Variants in ARHGAP8 observed in about 807,000 individuals in gnomAD.
ARHGAP8 encodes the protein rho GTPase-activating protein 8.
In ARHGAP8, 62 loss-of-function variants were observed where a neutral mutation model predicts 46.1. The ratio of observed to expected loss-of-function variants is 1.34; its 90% confidence interval spans 1.10 to 1.66. The LOEUF is 1.66. Among genes scored for constraint, ARHGAP8 ranks in the 40% most tolerant of loss-of-function variants. The probability of loss-of-function intolerance (pLI) is 0.00; values close to 1 mark genes in which losing one functional copy is unlikely to be tolerated. For synonymous variants in ARHGAP8, 375 were observed against 243.1 expected (o/e 1.54, Z -5.05); for missense variants, 923 against 568.4 (o/e 1.62, Z -6.34).
intron 1 of ARHGAP8, among the ~76,000 whole-genome samples, chr22:44,785,800 C>T (rs1927175879): frequency 6.6e-6 from 1 of 152,194 alleles, no homozygotes; most frequent in African/African-American, 2.4e-5. Flanking sequence ...GCAGCCTTTT[C>T]TTTCTTCCTC....
chr22:44,824,310 G>A (rs1440117425), intron 6 of ARHGAP8, among the ~76,000 whole-genome samples: 3 of 152,354 alleles, frequency 2.0e-5, no homozygotes, highest in East Asian at 1.9e-4. Context: ...TTGGGGCGCA[G>A]AGCGCTGTGA....
intron 2 of ARHGAP8, among the ~76,000 whole-genome samples, chr22:44,789,611 A>T (rs563081491): frequency 6.6e-6 from 1 of 150,926 alleles, no homozygotes; most frequent in Non-Finnish European, 1.5e-5. Context: ...CAGTCCTCCC[A>T]CCTCAGCTTC....
chr22:44,762,759 G>A (rs1479039388), intron 1 of ARHGAP8, among the ~76,000 whole-genome samples: 1 of 151,960 alleles, frequency 6.6e-6, no homozygotes, highest in African/African-American at 2.4e-5. Context: ...GGCCAGGTTG[G>A]TCTCGAACTC....
chr22:44,858,868 C>T (rs527855514), intron 10 of ARHGAP8, among the ~76,000 whole-genome samples: 31 of 151,532 alleles, frequency 2.0e-4, no homozygotes, highest in African/African-American at 7.3e-4. Context: ...AGCAGGGTTG[C>T]AAACTTTTTC....
chr22:44,786,113 A>T, intron 1 of ARHGAP8: 1 of 406,628 alleles, frequency 2.5e-6, no homozygotes, highest in Non-Finnish European at 4.5e-6. Context: ...TAGAGTACAC[A>T]GTGGGTGCAT....
intron 1 of ARHGAP8, among the ~76,000 whole-genome samples, chr22:44,761,210 C>T (rs1045093022): frequency 1.3e-5 from 2 of 152,184 alleles, no homozygotes; most frequent in Non-Finnish European, 2.9e-5. Context: ...GAAATAAGTG[C>T]CATCAGCCCT....
At position 44,848,927 on chromosome 22, in the gene ARHGAP8, T is replaced by C. The variant is rs370742491; in HGVS notation, c.749-5T>C. On this transcript the variant is annotated splice_polypyrimidine_tract_variant and splice_region_variant and intron_variant, in intron 9 of 11. Coordinates refer to ENST00000356099, the MANE Select transcript of ARHGAP8 (RefSeq NM_181335.3). ...GACCTCAGCAGTGCTGTGTTGTGTGTGCAGGGAAGCCCGTGAACTTTGACG... is the reference window on the plus strand; with the variant it reads ...GACCTCAGCAGTGCTGTGTTGTGTGCGCAGGGAAGCCCGTGAACTTTGACG... The C allele has an allele frequency of 8.8e-5, 142 of 1,613,948 alleles. No individual in the cohort carries two copies. Among genetic ancestry groups the C allele is most frequent in the Non-Finnish European group, 1.2e-4 (138 of 1,180,002 alleles).
intron 7 of ARHGAP8, among the ~76,000 whole-genome samples, chr22:44,835,905 C>T (rs1467929450): frequency 2.0e-5 from 3 of 148,588 alleles, no homozygotes; most frequent in Admixed American, 1.4e-4. Context: ...CTTCGGTCTC[C>T]TGTACCATGT....
At chr22:44,775,113 C>G (rs534033125) in intron 1 of ARHGAP8, among the ~76,000 whole-genome samples, 4 of 151,994 alleles carry the variant, frequency 2.6e-5, no homozygotes, top group Non-Finnish European at 5.9e-5. Flanking sequence ...ATTATAGGCA[C>G]GAGCCACGGT....
At chr22:44,786,227 A>G (rs1234890129) in intron 1 of ARHGAP8, 13 of 612,386 alleles carry the variant, frequency 2.1e-5, no homozygotes, top group Non-Finnish European at 3.4e-5. Flanking sequence ...TGTAGAGTGT[A>G]TAATGGGTGC....
At chr22:44,835,343 G>C (rs541576770) in intron 7 of ARHGAP8, among the ~76,000 whole-genome samples, 76 of 152,242 alleles carry the variant, frequency 5.0e-4, no homozygotes, top group African/African-American at 1.7e-3. Context: ...TGTGGAGCCA[G>C]GCGTGGTGGC....
chr22:44,807,360 T>C (rs1475964766), intron 3 of ARHGAP8, among the ~76,000 whole-genome samples: 1 of 152,100 alleles, frequency 6.6e-6, no homozygotes, highest in Non-Finnish European at 1.5e-5. Flanking sequence ...CAGGGCAGGA[T>C]GGAACGTGGT....
At chr22:44,757,567 A>T (rs1052090173) in intron 1 of ARHGAP8, among the ~76,000 whole-genome samples, 4 of 152,042 alleles carry the variant, frequency 2.6e-5, no homozygotes, top group South Asian at 4.1e-4. Context: ...GTGAGCCACC[A>T]TGCCTGGCCC....
intron 10 of ARHGAP8, among the ~76,000 whole-genome samples, chr22:44,852,552 C>G (rs1427837656): frequency 1.3e-5 from 2 of 152,108 alleles, no homozygotes; most frequent in Non-Finnish European, 2.9e-5. Flanking sequence ...TGGAACTTTC[C>G]CCAGGAAGTT....
chr22:44,832,946 G>C (rs1931045168), intron 7 of ARHGAP8, among the ~76,000 whole-genome samples: 1 of 151,260 alleles, frequency 6.6e-6, no homozygotes, highest in Non-Finnish European at 1.5e-5. Flanking sequence ...GGACAACATA[G>C]CAAGACCCTG....
chr22:44,844,322 C>T (rs533452045), intron 7 of ARHGAP8, among the ~76,000 whole-genome samples: 15 of 152,088 alleles, frequency 9.9e-5, no homozygotes, highest in African/African-American at 3.1e-4. Context: ...AATAATTAGC[C>T]AGCAAAATAA....
At chr22:44,771,206 G>C (rs1366475241) in intron 1 of ARHGAP8, among the ~76,000 whole-genome samples, 3 of 149,344 alleles carry the variant, frequency 2.0e-5, no homozygotes, top group Non-Finnish European at 4.4e-5. Context: ...GATTCCTTAG[G>C]ATTTTTACTT....
intron 4 of ARHGAP8, among the ~76,000 whole-genome samples, 191 bp from the exon 5 acceptor site, chr22:44,814,481 G>A (rs1297422851): frequency 6.6e-6 from 1 of 152,188 alleles, no homozygotes; most frequent in Non-Finnish European, 1.5e-5. Flanking sequence ...CATGCCTGGC[G>A]GGGGCAGCAG....
At chr22:44,804,503 C>G (rs1016092983) in intron 3 of ARHGAP8, among the ~76,000 whole-genome samples, 1 of 152,196 alleles carries the variant, frequency 6.6e-6, no homozygotes, top group African/African-American at 2.4e-5. Context: ...TGAGGCCAAG[C>G]CCTGGCCGAT....
Sources: gnomAD v4.1 joint callset for allele counts (sites outside exome capture counted in the v4.1 genomes callset) on GRCh38, gnomAD v4.1.1 for gene constraint, MANE v1.5 for transcripts, NCBI Gene and HGNC (gene_info 2026-07-23, HGNC 2026-07-21) for gene names.